Variants in DDAH1 observed in about 807,000 individuals in gnomAD.
The protein encoded by DDAH1 is N(G),N(G)-dimethylarginine dimethylaminohydrolase 1.
In DDAH1, 19 loss-of-function variants were observed where a neutral mutation model predicts 28.8. The ratio of observed to expected loss-of-function variants is 0.66; its 90% CI spans 0.46 to 0.97. The LOEUF is 0.97. Ranked by LOEUF, DDAH1 falls within the 50% of genes least tolerant of loss-of-function variation. The pLI is 0.00. For synonymous variants in DDAH1, 153 were observed against 154.4 expected (o/e 0.99, Z 0.07); for missense variants, 326 against 375.9 (o/e 0.87, Z 1.10).
At chr1:85,335,782 T>C (rs1416394676) in intron 4 of DDAH1, among the ~76,000 whole-genome samples, 1 of 151,796 alleles carries the variant, frequency 6.6e-6, no homozygotes, top group Non-Finnish European at 1.5e-5. Context: ...GGCAACATGG[T>C]GAAACCCTGT....
intron 1 of DDAH1, among the ~76,000 whole-genome samples, chr1:85,415,589 G>T (rs554245922): frequency 5.8e-4 from 88 of 152,166 alleles, no homozygotes; most frequent in African/African-American, 2.0e-3. Flanking sequence ...GTAATGTTAA[G>T]TAAAATAAGT....
At chr1:85,445,396 GT>G (rs1654388515) in intron 1 of DDAH1, among the ~76,000 whole-genome samples, 1 of 152,144 alleles carries the variant, frequency 6.6e-6, no homozygotes, top group Non-Finnish European at 1.5e-5. Context: ...TAAAAGATTA[GT>G]GATTTGTGCA....
At chr1:85,569,927 G>A (rs898707293) in intron 1 of DDAH1, among the ~76,000 whole-genome samples, 12 of 152,148 alleles carry the variant, frequency 7.9e-5, no homozygotes, top group Admixed American at 7.2e-4. Context: ...TATACCCCAT[G>A]CTCACAGTGA....
At chr1:85,541,520 T>C (rs1658471160) in intron 1 of DDAH1, among the ~76,000 whole-genome samples, 2 of 152,224 alleles carry the variant, frequency 1.3e-5, no homozygotes, top group South Asian at 2.1e-4. Flanking sequence ...TAAATGATGC[T>C]GTGTTGGGTT....
chr1:85,454,411 T>C (rs903134785), intron 1 of DDAH1, among the ~76,000 whole-genome samples: 1 of 151,966 alleles, frequency 6.6e-6, no homozygotes, highest in Admixed American at 6.6e-5. Context: ...TGAGAGGAAA[T>C]AAAACATGAC....
chr1:85,482,303 T>A (rs544518974), intron 2 of DDAH1: 1 of 152,338 alleles, frequency 6.6e-6, no homozygotes, highest in African/African-American at 2.4e-5. Context: ...AAATCAATAG[T>A]ATTTTATTCT....
intron 1 of DDAH1, among the ~76,000 whole-genome samples, chr1:85,442,642 CCAA>C (rs1344855832): frequency 6.6e-6 from 1 of 152,184 alleles, no homozygotes; most frequent in African/African-American, 2.4e-5. Flanking sequence ...TATAGTCCCA[CCAA>C]CAGTGTAAAA....
At position 85,404,596 on chromosome 1, in the gene DDAH1, G is replaced by A. The variant is rs998953812; in HGVS notation, c.304-45749C>T. 3.2e-6 allele frequency: 4 copies of A among 1,266,340 alleles called. No homozygotes were observed. The African/African-American group carries it at 6.1e-5, about 19-fold the overall frequency. The allele number at this position is 1,266,340 out of a possible 1,614,324, so 78.4% of individuals were successfully genotyped here. On this transcript the variant is annotated intron_variant, in intron 1 of 5. Coordinates refer to ENST00000284031, the MANE Select transcript of DDAH1 (RefSeq NM_012137.4). ...TTCCAGACTCTTGTGGGAATACAGA[G>A]CATGTCTGCTGAAACCGAATCCAAG...
chr1:85,482,432 A>G (rs1656042000), intron 2 of DDAH1: 1 of 152,232 alleles, frequency 6.6e-6, no homozygotes, highest in South Asian at 2.1e-4. Context: ...TTAAAAAACA[A>G]AACTGATATT....
chr1:85,364,558 T>G (rs1649962851), intron 1 of DDAH1, among the ~76,000 whole-genome samples: 1 of 152,176 alleles, frequency 6.6e-6, no homozygotes. Context: ...CTTTCTTTTT[T>G]TTTTTTGAGA....
chr1:85,404,454 A>G, intron 1 of DDAH1: 1 of 1,530,760 alleles, frequency 6.5e-7, no homozygotes, highest in South Asian at 1.2e-5. Flanking sequence ...TTTTCAACAG[A>G]TTCCCTGTTT....
At chr1:85,433,166 T>C (rs900638614) in intron 1 of DDAH1, among the ~76,000 whole-genome samples, 1 of 152,138 alleles carries the variant, frequency 6.6e-6, no homozygotes, top group Admixed American at 6.6e-5. Context: ...AGGTCCTCTA[T>C]GTGCCACTAG....
At chr1:85,471,072 TG>T (rs66479256) in intron 2 of DDAH1, among the ~76,000 whole-genome samples, 9,612 of 152,226 alleles carry the variant, frequency 0.063, 296 homozygotes, top group East Asian at 0.097. Context: ...ATCCCATTTT[TG>T]TTGGTTTTGG....
chr1:85,348,357 G>A (rs1307254578), intron 4 of DDAH1, among the ~76,000 whole-genome samples: 2 of 152,054 alleles, frequency 1.3e-5, no homozygotes, highest in South Asian at 2.1e-4. Flanking sequence ...TTCCAATGTT[G>A]GTCCAACATC....
At chr1:85,395,142 CA>C (rs1374914961) in intron 1 of DDAH1, among the ~76,000 whole-genome samples, 1 of 151,842 alleles carries the variant, frequency 6.6e-6, no homozygotes, top group African/African-American at 2.4e-5. Flanking sequence ...TCAGCTAATT[CA>C]AAGGTTAAAG....
At chr1:85,333,030 C>CA (rs35901619) in intron 4 of DDAH1, among the ~76,000 whole-genome samples, 3 of 152,060 alleles carry the variant, frequency 2.0e-5, no homozygotes, top group Admixed American at 1.3e-4. Context: ...AAAATCAGCC[C>CA]TCTGGACTTG....
Position 85,464,581 on chromosome 1 carries a change from G to C in DDAH1, c.303+162C>G, listed in dbSNP as rs749987192. ...AGGTGTGAACAATGAACTTCTCTCT[G>C]ACTCTCTGACACACACACACACACA... On this transcript the variant is annotated intron_variant, in intron 1 of 5. Coordinates refer to ENST00000284031, the MANE Select transcript of DDAH1 (RefSeq NM_012137.4). This position sits in a 1 kb window ranked among gnomAD's most constrained non-coding sequence, Gnocchi z 4.4. The C allele has an allele frequency of 4.5e-4, 670 of 1,495,872 alleles. No homozygotes were observed. Among genetic ancestry groups the C allele is most frequent in the Non-Finnish European group, 4.8e-4 (537 of 1,129,574 alleles). 92.7% of individuals were successfully genotyped at this position (1,495,872 alleles called of 1,614,324 possible).
intron 1 of DDAH1, among the ~76,000 whole-genome samples, chr1:85,377,903 T>C (rs1482164187): frequency 6.6e-6 from 1 of 152,186 alleles, no homozygotes; most frequent in African/African-American, 2.4e-5. Context: ...TTGTATTTGA[T>C]CTCTAATTTC....
At chr1:85,561,216 C>A (rs1659130582) in intron 1 of DDAH1, among the ~76,000 whole-genome samples, 1 of 151,956 alleles carries the variant, frequency 6.6e-6, no homozygotes, top group African/African-American at 2.4e-5. Context: ...AAAATAGTGC[C>A]TACCTCAAAG....
Sources: gnomAD v4.1 joint callset for allele counts (sites outside exome capture counted in the v4.1 genomes callset) on GRCh38, gnomAD v4.1.1 for gene constraint, Gnocchi (gnomAD v3.1) non-coding constraint, MANE v1.5 for transcripts, NCBI Gene and HGNC (gene_info 2026-07-23, HGNC 2026-07-21) for gene names.